RYR3: variants seen among roughly 807,000 people sequenced by gnomAD.
The protein encoded by RYR3 is ryanodine receptor 3.
A neutral mutation model predicts 584.3 loss-of-function variants in RYR3; 207 were observed. The ratio of observed to expected loss-of-function variants is 0.35; its 90% CI spans 0.32 to 0.40. RYR3 has a LOEUF of 0.40. Ranked by LOEUF, RYR3 falls within the 10% of genes least tolerant of loss-of-function variation. The pLI, the probability that RYR3 is intolerant of heterozygous loss-of-function variation, is 1.00. For missense variants in RYR3, 5,616 were observed against 6,089.2 expected (o/e 0.92, Z 2.59); for synonymous variants, 2,416 against 2,248.5 (o/e 1.07, Z -2.11).
intron 1 of RYR3, among the ~76,000 whole-genome samples, chr15:33,421,546 C>T (rs1224179190): frequency 6.6e-6 from 1 of 151,996 alleles, no homozygotes; most frequent in Non-Finnish European, 1.5e-5. Context: ...TTCTGGTTCC[C>T]AAACAAAGGT....
At chr15:33,540,222 A>G (rs1047123770) in intron 6 of RYR3, among the ~76,000 whole-genome samples, 20 of 152,186 alleles carry the variant, frequency 1.3e-4, no homozygotes, top group African/African-American at 4.8e-4. Flanking sequence ...GATCGAATAT[A>G]GGAAAATAAG....
chr15:33,478,221 G>T (rs1209837741), intron 2 of RYR3, among the ~76,000 whole-genome samples: 5 of 152,056 alleles, frequency 3.3e-5, no homozygotes, highest in Non-Finnish European at 7.4e-5. Flanking sequence ...TGCCAGCTGG[G>T]ATGTGTCAAG....
In RYR3 at chr15:33,646,441, A is replaced by G. The variant is rs764901440; in HGVS notation, c.3856A>G (p.Ile1286Val). The change falls in exon 29 of 104, where the codon ATC becomes GTC. Residue 1286 changes from isoleucine (I) to valine (V), a missense_variant. Physicochemically the swap from Ile to Val is conservative, Grantham distance 29 (BLOSUM62 3). Transcript: ENST00000634891. ...FGTQNSNADM[I>V]YCRLSMPVEC... ...CACACAGAATAGCAATGCCGACATG[A>G]TCTATTGCCGCTTGAGCATGCCTGT... 1 of 1,613,910 alleles carries G rather than the reference A, an allele frequency of 6.2e-7. No homozygotes were observed. Among genetic ancestry groups the G allele is most frequent in the Non-Finnish European group, 8.5e-7 (1 of 1,179,840 alleles).
At chr15:33,686,529 C>T (rs771425682) in intron 38 of RYR3, among the ~76,000 whole-genome samples, 1 of 152,178 alleles carries the variant, frequency 6.6e-6, no homozygotes, top group Non-Finnish European at 1.5e-5. Context: ...CCTTTGGAAA[C>T]TATTCCAATG....
At chr15:33,368,869 C>G (rs543597968) in intron 1 of RYR3, among the ~76,000 whole-genome samples, 1 of 152,026 alleles carries the variant, frequency 6.6e-6, no homozygotes, top group Non-Finnish European at 1.5e-5. Flanking sequence ...GGTTTCAATC[C>G]GAAACATGAC....
chr15:33,590,175 G>A (rs1400312959), intron 16 of RYR3, among the ~76,000 whole-genome samples: 4 of 152,168 alleles, frequency 2.6e-5, no homozygotes, highest in Admixed American at 2.6e-4. Flanking sequence ...TTAAGGTGGG[G>A]CAGGAACAAA....
At position 33,311,409 on chromosome 15, in the gene RYR3, C is replaced by T. The variant is rs1206854270; in HGVS notation, c.51+313C>T. On this transcript the variant is annotated intron_variant, in intron 1 of 103. Transcript: ENST00000634891. The surrounding 1 kb of genome is among the most constrained non-coding windows in gnomAD (Gnocchi z 4.4). ...AAACCCTTGATGCCCAAACTTCAGC[C>T]GGGGTTTGTTCGCGGTTGTCCTGAC... Among the ~76,000 whole-genome samples, 8 of 152,218 alleles carry T rather than the reference C, an allele frequency of 5.3e-5. No homozygotes were observed. The highest frequency in any genetic ancestry group is 1.2e-4 in the Non-Finnish European group (8 of 68,040).
intron 3 of RYR3, among the ~76,000 whole-genome samples, chr15:33,512,165 A>C (rs2053088951): frequency 6.6e-6 from 1 of 152,184 alleles, no homozygotes; most frequent in Admixed American, 6.5e-5. Flanking sequence ...AGATGACACA[A>C]GTGTGTAGCT....
chr15:33,418,365 T>G (rs1360670047), intron 1 of RYR3, among the ~76,000 whole-genome samples: 4 of 151,984 alleles, frequency 2.6e-5, no homozygotes, highest in African/African-American at 9.7e-5. Flanking sequence ...CGTCTTTTAT[T>G]ACTGATTTAC....
chr15:33,497,514 C>G (rs898292768), intron 2 of RYR3, among the ~76,000 whole-genome samples: 2 of 152,188 alleles, frequency 1.3e-5, no homozygotes, highest in South Asian at 2.1e-4. Flanking sequence ...GTTGTCACCT[C>G]TTACCCAGTT....
chr15:33,562,988 G>C lies in RYR3; in HGVS notation c.1124G>C (p.Arg375Pro). ...AAAGCACAAGACGCCAAAACTTCCC[G>C]CCTGGGACCTCTAAAAAGAAAGGTG... ...TYKAQDAKTSRLGPLKRKVIL... is the reference protein window; with the variant it reads ...TYKAQDAKTSPLGPLKRKVIL... Residue 375 changes from arginine (R) to proline (P), a missense_variant, in exon 11 of 104, where the codon CGC (arginine) becomes CCC (proline). By Grantham distance (103) the Arg-to-Pro change is moderately radical (BLOSUM62 -2). This residue lies in a region of RYR3 where 1,284 missense variants were observed against 1,344.6 expected (regional missense o/e 0.95). Coordinates refer to ENST00000634891, the MANE Select transcript of RYR3 (RefSeq NM_001036.6). 1.2e-6 allele frequency: 2 copies of C among 1,609,438 alleles called. No individual in the cohort carries two copies. The highest frequency in any genetic ancestry group is 1.7e-6 in the Non-Finnish European group (2 of 1,177,712).
intron 18 of RYR3, among the ~76,000 whole-genome samples, chr15:33,608,701 C>T (rs2060025113): frequency 1.3e-5 from 2 of 152,200 alleles, no homozygotes; most frequent in African/African-American, 2.4e-5. Context: ...CTCTACTGTA[C>T]AAGCTTTAAA....
At chr15:33,657,238 AG>A (rs890730843) in intron 32 of RYR3, among the ~76,000 whole-genome samples, 14 of 152,154 alleles carry the variant, frequency 9.2e-5, no homozygotes, top group Non-Finnish European at 1.5e-4. Flanking sequence ...TTCTGCAGGG[AG>A]GGTTGAGGAG....
chr15:33,598,228 G>A (rs1595768274), intron 16 of RYR3, among the ~76,000 whole-genome samples: 7 of 24,570 alleles, frequency 2.8e-4, no homozygotes, highest in South Asian at 1.2e-3. Context: ...AGTTAACTGA[G>A]AAGAAAAAAA....
At chr15:33,560,449 G>A (rs1161485924) in intron 10 of RYR3, among the ~76,000 whole-genome samples, 1 of 37,384 alleles carries the variant, frequency 2.7e-5, no homozygotes, top group Non-Finnish European at 5.2e-5. Flanking sequence ...ACAGATCTTT[G>A]TATTTTTTTT....
intron 1 of RYR3, among the ~76,000 whole-genome samples, chr15:33,357,697 T>TA (rs1974171435): frequency 6.6e-6 from 1 of 152,134 alleles, no homozygotes; most frequent in Non-Finnish European, 1.5e-5. Flanking sequence ...TGCTTTCACT[T>TA]AAAAAAAGAA....
intron 10 of RYR3, 65 bp from the exon 11 acceptor site, chr15:33,562,772 T>A (rs1239386880): frequency 8.1e-7 from 1 of 1,230,536 alleles, no homozygotes; most frequent in Non-Finnish European, 1.2e-6. Flanking sequence ...GTGATTCGTT[T>A]TGTATATTGA....
chr15:33,646,001 A>G (rs1330323983), intron 28 of RYR3, among the ~76,000 whole-genome samples: 1 of 152,124 alleles, frequency 6.6e-6, no homozygotes, highest in African/African-American at 2.4e-5. Context: ...TGGAAAGATT[A>G]TCTTCTTTAG....
chr15:33,639,990 C>T lies in RYR3; in HGVS notation c.3556+3440C>T, dbSNP rs977788245. ...CATTCTGCTAGACCTCAGAATGCGA[C>T]GTCTGGAAGAGGCTTTGGTGTGGTC... On this transcript the variant is annotated intron_variant, in intron 27 of 103. Transcript: ENST00000634891. Among the ~76,000 whole-genome samples, 10 of 152,154 alleles carry T rather than the reference C, an allele frequency of 6.6e-5. No individual in the cohort carries two copies. The East Asian group carries it at 7.7e-4, about 12-fold the overall frequency.
Sources: allele counts gnomAD v4.1 joint callset (sites outside exome capture counted in the v4.1 genomes callset), GRCh38; gene constraint gnomAD v4.1.1; regional missense constraint gnomAD v4.1.1; non-coding constraint Gnocchi (gnomAD v3.1); transcripts MANE v1.5; gene names NCBI Gene and HGNC (gene_info 2026-07-23, HGNC 2026-07-21).